The following NAALADL2 variants were observed in gnomAD, a reference collection of about 807,000 sequenced individuals.
NAALADL2 encodes the protein inactive N-acetylated-alpha-linked acidic dipeptidase-like protein 2.
Under a neutral mutation model 87.2 loss-of-function variants are expected in NAALADL2, and 76 were observed. The ratio of observed to expected loss-of-function variants is 0.87; its 90% CI spans 0.72 to 1.05. The LOEUF (loss-of-function observed/expected upper bound fraction) is 1.05. Ranked by LOEUF, NAALADL2 falls within the 50% of genes least tolerant of loss-of-function variation. The pLI is 0.00. For synonymous variants in NAALADL2, 354 were observed against 331.0 expected (o/e 1.07, Z -0.75); for missense variants, 1,089 against 945.8 (o/e 1.15, Z -1.99).
intron 2 of NAALADL2, among the ~76,000 whole-genome samples, chr3:174,654,777 C>T (rs1315071609): frequency 2.0e-5 from 3 of 152,038 alleles, no homozygotes; most frequent in East Asian, 1.9e-4. Context: ...GCTCTGTCAC[C>T]CAGGCTGGAG....
At chr3:175,055,177 T>A (rs1711861111) in intron 1 of NAALADL2, among the ~76,000 whole-genome samples, 1 of 152,190 alleles carries the variant, frequency 6.6e-6, no homozygotes, top group Non-Finnish European at 1.5e-5. Flanking sequence ...TCCTTGTTTA[T>A]TTGTGCTTCC....
At chr3:175,530,757 A>G (rs1054837919) in intron 9 of NAALADL2, among the ~76,000 whole-genome samples, 17 of 152,168 alleles carry the variant, frequency 1.1e-4, no homozygotes, top group African/African-American at 3.9e-4. Context: ...CTCGAGATCC[A>G]TCACGTATAT....
intron 13 of NAALADL2, among the ~76,000 whole-genome samples, chr3:175,766,478 A>T (rs897574484): frequency 2.0e-5 from 3 of 152,260 alleles, no homozygotes; most frequent in African/African-American, 7.2e-5. Context: ...GGTAATGAAA[A>T]TATTAGCTGA....
chr3:175,153,803 G>A (rs892391255), intron 2 of NAALADL2, among the ~76,000 whole-genome samples: 2 of 152,166 alleles, frequency 1.3e-5, no homozygotes, highest in Non-Finnish European at 2.9e-5. Flanking sequence ...GGTTGACTTA[G>A]GCCTTGGAAG....
chr3:175,425,452 C>T (rs2149138523), intron 5 of NAALADL2, among the ~76,000 whole-genome samples: 1 of 152,178 alleles, frequency 6.6e-6, no homozygotes, highest in East Asian at 1.9e-4. Context: ...CTTTATTCAT[C>T]ATGAAAATAC....
chr3:174,744,200 G>C (rs889062737), intron 3 of NAALADL2, among the ~76,000 whole-genome samples: 1 of 151,826 alleles, frequency 6.6e-6, no homozygotes, highest in Non-Finnish European at 1.5e-5. Flanking sequence ...CTAATCAGAT[G>C]ACTATAAAAT....
chr3:174,604,558 A>G (rs1036911680), intron 2 of NAALADL2, among the ~76,000 whole-genome samples: 1 of 151,854 alleles, frequency 6.6e-6, no homozygotes, highest in Non-Finnish European at 1.5e-5. Flanking sequence ...GAGTTTAGCC[A>G]TTTACATTCA....
At chr3:174,627,431 C>T (rs1317999754) in intron 2 of NAALADL2, among the ~76,000 whole-genome samples, 1 of 152,096 alleles carries the variant, frequency 6.6e-6, no homozygotes, top group Non-Finnish European at 1.5e-5. Context: ...AGTCAAAAAA[C>T]AACTGACACC....
At chr3:174,724,581 G>A (rs1189351310) in intron 2 of NAALADL2, among the ~76,000 whole-genome samples, 13 of 152,098 alleles carry the variant, frequency 8.5e-5, no homozygotes, top group Admixed American at 8.5e-4. Context: ...ATTTAGAAAA[G>A]TCATATTTAA....
At chr3:174,471,626 G>T (rs1045018553) in intron 1 of NAALADL2, among the ~76,000 whole-genome samples, 1 of 151,754 alleles carries the variant, frequency 6.6e-6, no homozygotes, top group African/African-American at 2.4e-5. Flanking sequence ...TAAAAATAAG[G>T]CCTCTGCAAA....
intron 1 of NAALADL2, among the ~76,000 whole-genome samples, chr3:175,069,682 A>G (rs1337486965): frequency 6.6e-6 from 1 of 151,882 alleles, no homozygotes; most frequent in Non-Finnish European, 1.5e-5. Context: ...AAAGGACTAT[A>G]AATCATACTG....
At chr3:175,321,933 A>C (rs201866273) in intron 4 of NAALADL2, among the ~76,000 whole-genome samples, 33,304 of 147,822 alleles carry the variant, frequency 0.23, 3,804 homozygotes, top group African/African-American at 0.27. Context: ...TACAGATTCA[A>C]TGCCATCCCC....
chr3:174,642,884 A>G (rs1002066778), intron 2 of NAALADL2, among the ~76,000 whole-genome samples: 1 of 151,568 alleles, frequency 6.6e-6, no homozygotes, highest in Non-Finnish European at 1.5e-5. Context: ...GTGGGCTCAA[A>G]TGATCTTCCC....
chr3:174,774,139 G>A (rs928977578), intron 3 of NAALADL2, among the ~76,000 whole-genome samples: 1 of 152,000 alleles, frequency 6.6e-6, no homozygotes, highest in Non-Finnish European at 1.5e-5. Context: ...CCTAGTTGTT[G>A]GAATCCCTTT....
At chr3:175,117,800 T>A (rs1244658091) in intron 2 of NAALADL2, among the ~76,000 whole-genome samples, 1 of 151,912 alleles carries the variant, frequency 6.6e-6, no homozygotes, top group Non-Finnish European at 1.5e-5. Flanking sequence ...CATGCTGCTA[T>A]AAGACATGTG....
intron 10 of NAALADL2, chr3:175,581,125 A>C (rs752391926): frequency 1.0e-4 from 41 of 395,258 alleles, no homozygotes; most frequent in African/African-American, 7.4e-4. Flanking sequence ...ATGTTATCTT[A>C]CAGTTTCAAA....
intron 3 of NAALADL2, among the ~76,000 whole-genome samples, chr3:174,742,760 TA>T (rs1733880377): frequency 6.6e-6 from 1 of 151,682 alleles, no homozygotes; most frequent in Non-Finnish European, 1.5e-5. Context: ...TTTAAGTATT[TA>T]AAACTTTTAT....
chr3:174,670,610 G>T (rs1726440035), intron 2 of NAALADL2, among the ~76,000 whole-genome samples: 1 of 151,920 alleles, frequency 6.6e-6, no homozygotes, highest in Admixed American at 6.6e-5. Context: ...TATTTAAGAA[G>T]AGATAATGAG....
intron 2 of NAALADL2, among the ~76,000 whole-genome samples, chr3:174,696,789 C>T (rs1477599095): frequency 2.0e-5 from 3 of 151,846 alleles, no homozygotes; most frequent in Non-Finnish European, 2.9e-5. Context: ...AAATAATAAA[C>T]ATGCCAGTTC....
Sources: gnomAD v4.1 joint callset for allele counts (sites outside exome capture counted in the v4.1 genomes callset) on GRCh38, gnomAD v4.1.1 for gene constraint, MANE v1.5 for transcripts, NCBI Gene and HGNC (gene_info 2026-07-23, HGNC 2026-07-21) for gene names.